The following CNTNAP2 variants were observed in gnomAD, a reference collection of about 807,000 sequenced individuals.
The protein encoded by CNTNAP2 is contactin associated protein 2, also known as contactin-associated protein-like 2.
A neutral mutation model predicts 155.2 loss-of-function variants in CNTNAP2; 98 were observed. That is an observed-to-expected ratio of 0.63 (90% confidence interval 0.54 to 0.75). CNTNAP2 has a LOEUF of 0.75. Ranked by LOEUF, CNTNAP2 falls within the 30% of genes least tolerant of loss-of-function variation. CNTNAP2 has a pLI of 0.00. For missense variants in CNTNAP2, 1,727 were observed against 1,688.1 expected (o/e 1.02, Z -0.40); for synonymous variants, 651 against 631.2 (o/e 1.03, Z -0.47).
intron 1 of CNTNAP2, among the ~76,000 whole-genome samples, chr7:146,637,846 A>G (rs894758579): frequency 3.3e-5 from 5 of 152,230 alleles, no homozygotes; most frequent in African/African-American, 1.2e-4. Flanking sequence ...TAATTTTAAA[A>G]TCAGTATTAA....
intron 1 of CNTNAP2, among the ~76,000 whole-genome samples, chr7:146,549,844 A>T (rs1798087885): frequency 6.6e-6 from 1 of 152,088 alleles, no homozygotes; most frequent in Non-Finnish European, 1.5e-5. Context: ...AGCCTGTCAA[A>T]GTCCAACACA....
At chr7:147,526,552 T>C (rs1799325441) in intron 11 of CNTNAP2, among the ~76,000 whole-genome samples, 1 of 152,180 alleles carries the variant, frequency 6.6e-6, no homozygotes, top group Admixed American at 6.5e-5. Flanking sequence ...TTAGTGCTCA[T>C]TGCTTGAAGG....
chr7:146,432,832 C>T (rs1256105076), intron 1 of CNTNAP2, among the ~76,000 whole-genome samples: 2 of 152,156 alleles, frequency 1.3e-5, no homozygotes, highest in Non-Finnish European at 1.5e-5. Context: ...GCATTGGTCT[C>T]ATAAGAATCA....
intron 3 of CNTNAP2, among the ~76,000 whole-genome samples, chr7:146,862,630 AAG>A (rs1278744643): frequency 1.3e-5 from 2 of 152,222 alleles, no homozygotes; most frequent in African/African-American, 4.8e-5. Flanking sequence ...CTGTCTATCA[AAG>A]ATATCACAGA....
In CNTNAP2 at chr7:147,132,352, C is replaced by T. The variant is rs1490434881; in HGVS notation, c.1191C>T (p.Val397=). The T allele has an allele frequency of 7.4e-6, 12 of 1,613,700 alleles. No homozygotes were observed. The highest frequency in any genetic ancestry group is 1.0e-5 in the Non-Finnish European group (12 of 1,179,800). The change falls in exon 8 of 24, where the codon GTC becomes GTT. Residue 397 remains valine, a synonymous_variant. Transcript: ENST00000361727. ...PGRLNQDLFS[V]SFQFRTWNPN... ...GGCTTAACCAGGACCTGTTCTCAGT[C>T]AGTTTCCAGTTTAGGACATGGAACC...
At chr7:147,501,595 T>C (rs553494287) in intron 11 of CNTNAP2, among the ~76,000 whole-genome samples, 1 of 152,314 alleles carries the variant, frequency 6.6e-6, no homozygotes, top group African/African-American at 2.4e-5. Context: ...AATATGTGGT[T>C]CATGAGATAA....
chr7:147,690,969 G>T (rs1026290938), intron 13 of CNTNAP2, among the ~76,000 whole-genome samples: 1 of 151,908 alleles, frequency 6.6e-6, no homozygotes, highest in Non-Finnish European at 1.5e-5. Flanking sequence ...TTTATATAGC[G>T]GTGAACTTGT....
intron 1 of CNTNAP2, among the ~76,000 whole-genome samples, chr7:146,234,502 A>G (rs1331915620): frequency 6.6e-6 from 1 of 151,516 alleles, no homozygotes; most frequent in Non-Finnish European, 1.5e-5. Flanking sequence ...TTTTGTTGCC[A>G]TTGCTTTTGG....
chr7:147,603,849 G>T (rs1230984278), intron 12 of CNTNAP2, among the ~76,000 whole-genome samples: 6 of 152,098 alleles, frequency 3.9e-5, no homozygotes, highest in Non-Finnish European at 7.3e-5. Flanking sequence ...AACCAAAACA[G>T]CATGGTACTG....
At chr7:148,187,912 A>G (rs1232225227) in intron 18 of CNTNAP2, among the ~76,000 whole-genome samples, 1 of 152,122 alleles carries the variant, frequency 6.6e-6, no homozygotes, top group Non-Finnish European at 1.5e-5. Context: ...AACCATATGA[A>G]TAAAAAGCTG....
intron 17 of CNTNAP2, among the ~76,000 whole-genome samples, chr7:148,149,266 A>G (rs990673061): frequency 2.0e-5 from 3 of 152,176 alleles, no homozygotes; most frequent in Admixed American, 2.0e-4. Flanking sequence ...TGTAAAATGA[A>G]GAGATGGAAG....
At chr7:148,168,702 T>C (rs1805720815) in intron 17 of CNTNAP2, among the ~76,000 whole-genome samples, 1 of 152,154 alleles carries the variant, frequency 6.6e-6, no homozygotes. Flanking sequence ...CCCTAAAACT[T>C]AAAGTATAAT....
chr7:147,042,803 C>T (rs893602889), intron 3 of CNTNAP2, among the ~76,000 whole-genome samples: 4 of 151,874 alleles, frequency 2.6e-5, no homozygotes, highest in Non-Finnish European at 4.4e-5. Context: ...AAGTTAATAT[C>T]TTCTAAAAGA....
chr7:147,792,270 TCAC>T (rs1214021092), intron 13 of CNTNAP2, among the ~76,000 whole-genome samples: 2 of 152,218 alleles, frequency 1.3e-5, no homozygotes, highest in East Asian at 3.9e-4. Flanking sequence ...TGTGCAACTA[TCAC>T]CACAATCAAT....
At position 147,775,309 on chromosome 7, in the gene CNTNAP2, AAATATATATATATT is replaced by A. The variant is rs1358010453; in HGVS notation, c.2099-128255_2099-128242del. Among the ~76,000 whole-genome samples the A allele has an allele frequency of 2.2e-3, 109 of 50,298 alleles. 4 individuals carry two copies. The highest frequency in any genetic ancestry group is 0.019 in the African/African-American group (106 of 5,636). 33.0% of individuals were successfully genotyped at this position (50,298 alleles called of 152,430 possible). On this transcript the variant is annotated intron_variant, in intron 13 of 23. Coordinates refer to ENST00000361727, the MANE Select transcript of CNTNAP2 (RefSeq NM_014141.6). ...AATATATATATTTATATATATTTAT[AAATATATATATATT>A]TATATATATTTATAAATATATATAT... is the stretch of plus-strand genomic sequence containing the variant.
chr7:146,929,049 T>A (rs935434072), intron 3 of CNTNAP2, among the ~76,000 whole-genome samples: 1 of 152,332 alleles, frequency 6.6e-6, no homozygotes, highest in South Asian at 2.1e-4. Flanking sequence ...CTCTGCAGAC[T>A]TAAATGTCCC....
chr7:147,180,541 A>G (rs1216093624), intron 8 of CNTNAP2, among the ~76,000 whole-genome samples: 1 of 152,198 alleles, frequency 6.6e-6, no homozygotes, highest in Non-Finnish European at 1.5e-5. Context: ...TCACTTAAGT[A>G]GATATAGAAA....
chr7:148,036,004 G>A (rs73468136), intron 15 of CNTNAP2, among the ~76,000 whole-genome samples: 2,008 of 152,206 alleles, frequency 0.013, 32 homozygotes, highest in African/African-American at 0.046. Flanking sequence ...CTGCTTATTC[G>A]TCCTTTTCAA....
intron 1 of CNTNAP2, among the ~76,000 whole-genome samples, chr7:146,311,206 A>G (rs1800815076): frequency 6.6e-6 from 1 of 152,178 alleles, no homozygotes; most frequent in South Asian, 2.1e-4. Flanking sequence ...ACAAATAAAC[A>G]TTTTTCCCTT....
Sources: allele counts gnomAD v4.1 joint callset (sites outside exome capture counted in the v4.1 genomes callset), GRCh38; gene constraint gnomAD v4.1.1; transcripts MANE v1.5; gene names NCBI Gene and HGNC (gene_info 2026-07-23, HGNC 2026-07-21).